NRG3: variants seen among roughly 807,000 people sequenced by gnomAD.
NRG3 encodes pro-neuregulin-3, membrane-bound isoform.
In NRG3, 31 loss-of-function variants were observed where a neutral mutation model predicts 66.9. That is an observed-to-expected ratio of 0.46 (90% CI 0.35 to 0.63). The LOEUF (loss-of-function observed/expected upper bound fraction) is 0.63. Ranked by LOEUF, NRG3 falls within the 20% of genes least tolerant of loss-of-function variation. The pLI is 0.00. For synonymous variants in NRG3, 393 were observed against 359.4 expected, an observed-to-expected ratio of 1.09 and a Z score of -1.06; for missense variants, 910 against 878.9, an observed-to-expected ratio of 1.04 and a Z score of -0.45.
At chr10:82,582,176 G>T (rs774302068) in intron 2 of NRG3, among the ~76,000 whole-genome samples, 1 of 152,040 alleles carries the variant, frequency 6.6e-6, no homozygotes, top group Non-Finnish European at 1.5e-5. Context: ...AGTTGCTTTG[G>T]CTGCTACGAA....
At chr10:82,158,945 A>T (rs2132911564) in intron 1 of NRG3, among the ~76,000 whole-genome samples, 1 of 152,042 alleles carries the variant, frequency 6.6e-6, no homozygotes, top group South Asian at 2.1e-4. Context: ...TGACAAGAAT[A>T]TTATTTAAAT....
chr10:82,026,519 G>T (rs560479232), intron 1 of NRG3, among the ~76,000 whole-genome samples: 1 of 151,974 alleles, frequency 6.6e-6, no homozygotes, highest in Non-Finnish European at 1.5e-5. Flanking sequence ...AGCCAAATTT[G>T]ATTCTTAATC....
intron 2 of NRG3, among the ~76,000 whole-genome samples, chr10:82,511,665 G>C (rs573459382): frequency 4.6e-5 from 7 of 152,274 alleles, no homozygotes; most frequent in Admixed American, 2.6e-4. Flanking sequence ...GCAGGAAGGA[G>C]CCAGGGGATT....
At chr10:82,862,892 T>G (rs1050905789) in intron 3 of NRG3, among the ~76,000 whole-genome samples, 1 of 152,190 alleles carries the variant, frequency 6.6e-6, no homozygotes, top group Non-Finnish European at 1.5e-5. Context: ...GTGCAGAACA[T>G]GCAGGTTTGT....
intron 2 of NRG3, among the ~76,000 whole-genome samples, chr10:82,389,711 A>C (rs1017202617): frequency 6.6e-6 from 1 of 152,216 alleles, no homozygotes; most frequent in Non-Finnish European, 1.5e-5. Flanking sequence ...ATAGCTTTAT[A>C]CATATACACA....
chr10:82,085,809 T>C (rs1366878580), intron 1 of NRG3, among the ~76,000 whole-genome samples: 1 of 152,050 alleles, frequency 6.6e-6, no homozygotes, highest in Non-Finnish European at 1.5e-5. Context: ...GCTAATTTTT[T>C]TGTATTTTTA....
At chr10:82,563,180 G>A (rs2133037536) in intron 2 of NRG3, among the ~76,000 whole-genome samples, 1 of 152,198 alleles carries the variant, frequency 6.6e-6, no homozygotes, top group African/African-American at 2.4e-5. Context: ...GATTATGAAT[G>A]AGAAACAATT....
intron 5 of NRG3, among the ~76,000 whole-genome samples, chr10:82,957,064 C>G (rs1330384099): frequency 1.3e-5 from 2 of 152,000 alleles, no homozygotes; most frequent in South Asian, 2.1e-4. Context: ...TGGGAAGATG[C>G]AACTAGTGTA....
chr10:82,196,498 A>T (rs1305835846), intron 1 of NRG3, among the ~76,000 whole-genome samples: 1 of 152,190 alleles, frequency 6.6e-6, no homozygotes, highest in East Asian at 1.9e-4. Flanking sequence ...CATTCATTAC[A>T]CAACCCAATT....
At chr10:82,903,056 A>G (rs1844387040) in intron 4 of NRG3, among the ~76,000 whole-genome samples, 1 of 152,116 alleles carries the variant, frequency 6.6e-6, no homozygotes, top group South Asian at 2.1e-4. Flanking sequence ...ATATGCACAA[A>G]TTTACTATAA....
intron 1 of NRG3, among the ~76,000 whole-genome samples, chr10:82,017,258 A>G (rs966032637): frequency 3.9e-5 from 6 of 152,340 alleles, no homozygotes; most frequent in African/African-American, 7.2e-5. Context: ...TACAAAGGAC[A>G]TGAACTCATC....
intron 3 of NRG3, among the ~76,000 whole-genome samples, chr10:82,834,402 T>C (rs934111052): frequency 1.3e-5 from 2 of 152,146 alleles, no homozygotes; most frequent in Non-Finnish European, 2.9e-5. Flanking sequence ...CCTTGCTCCC[T>C]AGGGGTACTT....
chr10:82,833,949 T>C (rs562793393), intron 3 of NRG3, among the ~76,000 whole-genome samples: 5 of 152,190 alleles, frequency 3.3e-5, no homozygotes, highest in Non-Finnish European at 7.3e-5. Context: ...TGAAGTGAGG[T>C]TGTGGAAAAT....
chr10:81,963,843 C>T (rs892951524), intron 1 of NRG3, among the ~76,000 whole-genome samples: 4 of 152,140 alleles, frequency 2.6e-5, no homozygotes, highest in African/African-American at 9.7e-5. Flanking sequence ...TATTTTTGTT[C>T]CCTCAGTGGG....
rs112374795 is a variant in NRG3, at chr10:82,279,740, A to G, written c.824-78999A>G. Reference sequence around the variant, plus strand: ...TATGTGAGGCTGTCTCCATCAGTGAATGCCATGTGTTGATGTGATTGATGA... The same window carrying G: ...TATGTGAGGCTGTCTCCATCAGTGAGTGCCATGTGTTGATGTGATTGATGA... On this transcript the variant is annotated intron_variant, in intron 1 of 8. Transcript: ENST00000372141. 8.4e-3 allele frequency among the ~76,000 whole-genome samples: 1,273 copies of G among 152,284 alleles called. 12 individuals are homozygous for G. Among genetic ancestry groups the G allele is most frequent in the African/African-American group, 0.029 (1,210 of 41,562 alleles).
chr10:82,274,482 A>C (rs1017843132), intron 1 of NRG3, among the ~76,000 whole-genome samples: 1 of 152,060 alleles, frequency 6.6e-6, no homozygotes, highest in Non-Finnish European at 1.5e-5. Flanking sequence ...TTTCTGAATA[A>C]AAATGAATGA....
At chr10:82,533,640 A>G (rs1273253629) in intron 2 of NRG3, among the ~76,000 whole-genome samples, 5 of 152,176 alleles carry the variant, frequency 3.3e-5, no homozygotes, top group Non-Finnish European at 7.4e-5. Context: ...ATTATACTCA[A>G]TGGTGAAAAA....
intron 4 of NRG3, among the ~76,000 whole-genome samples, chr10:82,867,598 A>T (rs1840880425): frequency 6.6e-6 from 1 of 152,216 alleles, no homozygotes; most frequent in African/African-American, 2.4e-5. Context: ...GAAAATAAAA[A>T]CAGCTCTTGA....
At chr10:82,182,428 CA>C (rs1217876287) in intron 1 of NRG3, among the ~76,000 whole-genome samples, 2 of 151,384 alleles carry the variant, frequency 1.3e-5, no homozygotes, top group African/African-American at 4.8e-5. Context: ...TTAGCATTAC[CA>C]TGGGGCTTAC....
Sources: gnomAD v4.1 joint callset for allele counts (sites outside exome capture counted in the v4.1 genomes callset) on GRCh38, gnomAD v4.1.1 for gene constraint, MANE v1.5 for transcripts, NCBI Gene and HGNC (gene_info 2026-07-23, HGNC 2026-07-21) for gene names.